The following PDHX variants were observed in gnomAD, a reference collection of about 807,000 sequenced individuals.
PDHX encodes pyruvate dehydrogenase complex component X.
A neutral mutation model predicts 55.3 loss-of-function variants in PDHX; 33 were observed. The ratio of observed to expected loss-of-function variants is 0.60; its 90% CI spans 0.45 to 0.80. The LOEUF (loss-of-function observed/expected upper bound fraction) is 0.80. Among genes scored for constraint, PDHX ranks in the 30% least tolerant of loss-of-function variants. PDHX has a pLI of 0.00. For missense variants in PDHX, 622 were observed against 619.9 expected, an observed-to-expected ratio of 1.00 and a Z score of -0.04; for synonymous variants, 226 against 219.4, an observed-to-expected ratio of 1.03 and a Z score of -0.27.
chr11:34,953,646 G>T (rs886724692), intron 3 of PDHX, among the ~76,000 whole-genome samples: 11 of 152,092 alleles, frequency 7.2e-5, no homozygotes, highest in Admixed American at 5.2e-4. Flanking sequence ...TGATAATTTT[G>T]ATCAGTTGGA....
At chr11:34,937,045 A>C (rs530977758) in intron 2 of PDHX, among the ~76,000 whole-genome samples, 2 of 151,932 alleles carry the variant, frequency 1.3e-5, no homozygotes, top group Non-Finnish European at 2.9e-5. Flanking sequence ...TGGCCTCCCA[A>C]AGTGCCGGGA....
chr11:34,935,847 A>T lies in PDHX; in HGVS notation c.241+4363A>T, dbSNP rs116668657. On this transcript the variant is annotated intron_variant, in intron 2 of 10. Coordinates refer to ENST00000227868, the MANE Select transcript of PDHX (RefSeq NM_003477.3). Reference sequence around the variant, plus strand: ...GAGGACTTGTCTAATTCCAGAGACTAGCCCTGGCAAGGACTTCCAGGGTAT... The same window carrying T: ...GAGGACTTGTCTAATTCCAGAGACTTGCCCTGGCAAGGACTTCCAGGGTAT... 5.2e-3 allele frequency among the ~76,000 whole-genome samples: 796 copies of T among 152,344 alleles called. 7 individuals are homozygous for T. The highest frequency in any genetic ancestry group is 0.019 in the African/African-American group (772 of 41,574).
chr11:34,919,062 C>T (rs1002446575), intron 1 of PDHX, among the ~76,000 whole-genome samples: 1 of 152,176 alleles, frequency 6.6e-6, no homozygotes, highest in Non-Finnish European at 1.5e-5. Context: ...ACAGCATATT[C>T]ATAGGTTCTG....
intron 1 of PDHX, among the ~76,000 whole-genome samples, chr11:34,922,293 A>AC (rs1853901710): frequency 6.6e-6 from 1 of 152,230 alleles, no homozygotes; most frequent in Middle Eastern, 3.2e-3. Context: ...AAGTTGAGCT[A>AC]CCAGCAAGAA....
chr11:34,942,809 T>C (rs543196487), intron 2 of PDHX, among the ~76,000 whole-genome samples: 1 of 152,306 alleles, frequency 6.6e-6, no homozygotes, highest in East Asian at 1.9e-4. Flanking sequence ...CCTCCCTCTC[T>C]TTTGTCCTCT....
At chr11:34,933,531 C>T (rs1359289334) in intron 2 of PDHX, among the ~76,000 whole-genome samples, 1 of 152,092 alleles carries the variant, frequency 6.6e-6, no homozygotes, top group Non-Finnish European at 1.5e-5. Flanking sequence ...AAAGGAGAAA[C>T]AGGTAAAAGT....
intron 4 of PDHX, 103 bp downstream of exon 4, chr11:34,957,686 T>A: frequency 1.1e-6 from 1 of 945,632 alleles, no homozygotes; most frequent in East Asian, 2.6e-5. Flanking sequence ...GTACATCACG[T>A]AGGAAGTTGC....
In PDHX at chr11:34,962,998, C is replaced by A. The variant is rs139862905; in HGVS notation, c.641+2480C>A. Among the ~76,000 whole-genome samples, 184 of 152,174 alleles carry A rather than the reference C, an allele frequency of 1.2e-3. No homozygotes were observed. The Middle Eastern group carries it at 0.014, about 11-fold the overall frequency. On this transcript the variant is annotated intron_variant, in intron 5 of 10. Transcript: ENST00000227868. The stretch of plus-strand genomic sequence containing the variant: ...CCCTTTTCTCTTCCCTGCCTTTATT[C>A]CTTAACTCTCCACGAGAAAGGCATC...
intron 1 of PDHX, among the ~76,000 whole-genome samples, chr11:34,919,048 T>C (rs904872968): frequency 1.6e-4 from 24 of 152,218 alleles, no homozygotes; most frequent in African/African-American, 4.6e-4. Context: ...CCTCTTGCCA[T>C]GTAACAGCAT....
intron 1 of PDHX, among the ~76,000 whole-genome samples, chr11:34,923,860 T>G (rs1311919073): frequency 6.6e-6 from 1 of 152,190 alleles, no homozygotes; most frequent in Non-Finnish European, 1.5e-5. Flanking sequence ...GCACTGAAGG[T>G]AAAACATTTG....
At chr11:34,967,569 A>T (rs1459587063) in intron 6 of PDHX, among the ~76,000 whole-genome samples, 5 of 152,182 alleles carry the variant, frequency 3.3e-5, no homozygotes, top group Non-Finnish European at 2.9e-5. Flanking sequence ...TCCTTCTCAG[A>T]TGCATGCAGT....
At chr11:34,978,521 AAAAG>A (rs1855432980) in intron 8 of PDHX, among the ~76,000 whole-genome samples, 3 of 152,138 alleles carry the variant, frequency 2.0e-5, no homozygotes, top group Non-Finnish European at 4.4e-5. Flanking sequence ...GCTGAGGAGA[AAAAG>A]AAAGGATAAG....
chr11:34,919,621 A>G (rs1726988521), intron 1 of PDHX, among the ~76,000 whole-genome samples: 1 of 152,228 alleles, frequency 6.6e-6, no homozygotes, highest in South Asian at 2.1e-4. Context: ...GAGTCTCCTA[A>G]AGACATGTAA....
chr11:34,917,195 G>A (rs972811028), intron 1 of PDHX, among the ~76,000 whole-genome samples: 5 of 152,182 alleles, frequency 3.3e-5, no homozygotes, highest in African/African-American at 1.2e-4. Context: ...AGGTTGCCGA[G>A]ATTGAAAAGC....
At chr11:34,980,044 G>T (rs1590765482) in intron 8 of PDHX, among the ~76,000 whole-genome samples, 1 of 147,758 alleles carries the variant, frequency 6.8e-6, no homozygotes, top group Admixed American at 6.7e-5. Context: ...CATAATTACT[G>T]ATCTGTTTTA....
intron 3 of PDHX, among the ~76,000 whole-genome samples, chr11:34,949,690 G>A (rs1415166826): frequency 6.6e-6 from 1 of 152,176 alleles, no homozygotes; most frequent in East Asian, 1.9e-4. Flanking sequence ...GACATATTTG[G>A]AGGGTTTATT....
intron 2 of PDHX, among the ~76,000 whole-genome samples, chr11:34,942,516 A>G (rs1167612609): frequency 6.6e-6 from 1 of 152,174 alleles, no homozygotes; most frequent in Non-Finnish European, 1.5e-5. Flanking sequence ...TCAAACTCAT[A>G]TTTGAATTAG....
At chr11:34,954,520 G>A (rs549988988) in intron 3 of PDHX, among the ~76,000 whole-genome samples, 1 of 152,300 alleles carries the variant, frequency 6.6e-6, no homozygotes, top group African/African-American at 2.4e-5. Flanking sequence ...TGAAGAAATA[G>A]TTTGTCACAG....
rs1351787162 is a variant in PDHX at position 34,990,047 on chromosome 11, A to T, written c.1183-2268A>T. ...CGCATTTACTTCTTGACCCTCTGTA[A>T]TCCCAAGGATGCCACTGTGGGGGCT... On this transcript the variant is annotated intron_variant, in intron 9 of 10. Coordinates refer to ENST00000227868, the MANE Select transcript of PDHX (RefSeq NM_003477.3). Among the ~76,000 whole-genome samples the T allele has an allele frequency of 2.0e-5, 3 of 152,288 alleles. No individual in the cohort carries two copies. In the East Asian group the frequency reaches 5.8e-4, roughly 29 times the overall value.
Sources: allele counts gnomAD v4.1 joint callset (sites outside exome capture counted in the v4.1 genomes callset), GRCh38; gene constraint gnomAD v4.1.1; transcripts MANE v1.5; gene names NCBI Gene and HGNC (gene_info 2026-07-23, HGNC 2026-07-21).